Variants in GRIA4 observed in about 807,000 individuals in gnomAD.
GRIA4 encodes glutamate receptor 4.
Under a neutral mutation model 104.0 loss-of-function variants are expected in GRIA4, and 34 were observed. The observed-to-expected ratio is 0.33, with a 90% CI of 0.25 to 0.44. The LOEUF is 0.44. Ranked by LOEUF, GRIA4 falls within the 20% of genes least tolerant of loss-of-function variation. The probability of loss-of-function intolerance (pLI) is 1.00; values close to 1 mark genes in which losing one functional copy is unlikely to be tolerated. For missense variants in GRIA4, 750 were observed against 1,096.5 expected, an observed-to-expected ratio of 0.68 and a Z score of 4.46; for synonymous variants, 386 against 381.9, an observed-to-expected ratio of 1.01 and a Z score of -0.13.
chr11:105,795,486 A>G (rs1196811477), intron 4 of GRIA4, among the ~76,000 whole-genome samples: 1 of 152,120 alleles, frequency 6.6e-6, no homozygotes, highest in Non-Finnish European at 1.5e-5. Context: ...TAGAGTGTGA[A>G]TGTGTGATGT....
intron 14 of GRIA4, among the ~76,000 whole-genome samples, chr11:105,962,864 C>T (rs540481317): frequency 2.0e-5 from 3 of 152,164 alleles, no homozygotes; most frequent in South Asian, 2.1e-4. Flanking sequence ...CTACATTTAA[C>T]GCAATAAAGG....
chr11:105,784,803 G>T (rs1175717254), intron 4 of GRIA4, among the ~76,000 whole-genome samples: 2 of 152,080 alleles, frequency 1.3e-5, no homozygotes, highest in Non-Finnish European at 2.9e-5. Flanking sequence ...ACCTGTTAAA[G>T]CAAAACATAA....
At chr11:105,779,993 T>C (rs573868555) in intron 4 of GRIA4, among the ~76,000 whole-genome samples, 9 of 152,226 alleles carry the variant, frequency 5.9e-5, no homozygotes, top group African/African-American at 1.7e-4. Flanking sequence ...AGGGTAAAAG[T>C]ATTAAGATAG....
chr11:105,959,433 C>T (rs1948678508), intron 14 of GRIA4, among the ~76,000 whole-genome samples: 1 of 152,174 alleles, frequency 6.6e-6, no homozygotes, highest in African/African-American at 2.4e-5. Context: ...AGTTCTCATG[C>T]TGTGTTTTTC....
intron 14 of GRIA4, among the ~76,000 whole-genome samples, chr11:105,941,633 A>C (rs1948182315): frequency 6.6e-6 from 1 of 152,160 alleles, no homozygotes; most frequent in Admixed American, 6.6e-5. Flanking sequence ...TTAAAAATTC[A>C]ATCTGTTTTC....
intron 6 of GRIA4, among the ~76,000 whole-genome samples, chr11:105,889,843 A>G (rs1946397620): frequency 6.6e-6 from 1 of 152,208 alleles, no homozygotes; most frequent in South Asian, 2.1e-4. Flanking sequence ...TGAATATACA[A>G]CAGTTTATTG....
chr11:105,917,815 G>GGGGT (rs1555047932), intron 10 of GRIA4, among the ~76,000 whole-genome samples: 24 of 142,780 alleles, frequency 1.7e-4, no homozygotes, highest in Middle Eastern at 3.5e-3. Context: ...TTGGTTTAAG[G>GGGGT]GTGTGTGTGT....
chr11:105,928,935 A>C (rs910042394), intron 13 of GRIA4, among the ~76,000 whole-genome samples: 2 of 152,092 alleles, frequency 1.3e-5, no homozygotes, highest in African/African-American at 4.8e-5. Context: ...TCTTCCATAC[A>C]AACTGTGCAA....
intron 4 of GRIA4, among the ~76,000 whole-genome samples, chr11:105,769,608 TG>T (rs1422410084): frequency 1.3e-5 from 2 of 151,904 alleles, no homozygotes; most frequent in South Asian, 2.1e-4. Context: ...GTGCTCTAGA[TG>T]GGGGGCAGGG....
intron 4 of GRIA4, among the ~76,000 whole-genome samples, chr11:105,859,189 C>G (rs938045672): frequency 1.3e-5 from 2 of 152,106 alleles, no homozygotes; most frequent in African/African-American, 4.8e-5. Context: ...AAGACACTCA[C>G]ATCTGAATAT....
intron 6 of GRIA4, among the ~76,000 whole-genome samples, chr11:105,894,173 C>T (rs963915353): frequency 6.6e-6 from 1 of 151,892 alleles, no homozygotes; most frequent in Admixed American, 6.6e-5. Context: ...GTGGGCTTTT[C>T]GAGGGGAAAC....
chr11:105,814,815 A>T (rs897964750), intron 4 of GRIA4, among the ~76,000 whole-genome samples: 1 of 152,126 alleles, frequency 6.6e-6, no homozygotes, highest in African/African-American at 2.4e-5. Context: ...TCCTGTCACT[A>T]TAGGGAATCT....
intron 3 of GRIA4, among the ~76,000 whole-genome samples, chr11:105,683,538 A>C (rs2135471983): frequency 6.6e-6 from 1 of 152,272 alleles, no homozygotes; most frequent in Admixed American, 6.5e-5. Flanking sequence ...GTTTTAATTT[A>C]TGAAGCAATT....
chr11:105,828,975 G>T (rs1453422424), intron 4 of GRIA4, among the ~76,000 whole-genome samples: 1 of 151,978 alleles, frequency 6.6e-6, no homozygotes, highest in Admixed American at 6.6e-5. Flanking sequence ...CTTGAAAATA[G>T]AGAGGAGAGA....
chr11:105,955,622 T>C (rs1948568061), intron 14 of GRIA4, among the ~76,000 whole-genome samples: 1 of 152,220 alleles, frequency 6.6e-6, no homozygotes. Context: ...TTTATATTCC[T>C]TTGGGTATAT....
chr11:105,718,155 A>G (rs1248138594), intron 3 of GRIA4, among the ~76,000 whole-genome samples: 2 of 152,182 alleles, frequency 1.3e-5, no homozygotes, highest in Non-Finnish European at 2.9e-5. Flanking sequence ...TGGAAAAAGT[A>G]AACACTGAGT....
intron 3 of GRIA4, among the ~76,000 whole-genome samples, chr11:105,668,651 C>T (rs2135430418): frequency 6.8e-6 from 1 of 146,934 alleles, no homozygotes; most frequent in Non-Finnish European, 1.5e-5. Context: ...TTCTCTACAT[C>T]CTTGACAACA....
At chr11:105,686,157 A>G (rs1952875667) in intron 3 of GRIA4, among the ~76,000 whole-genome samples, 1 of 152,168 alleles carries the variant, frequency 6.6e-6, no homozygotes, top group Non-Finnish European at 1.5e-5. Flanking sequence ...TAGGGTATGA[A>G]TAAGCATGTT....
intron 4 of GRIA4, among the ~76,000 whole-genome samples, chr11:105,763,393 CTG>C (rs1463329155): frequency 1.3e-5 from 2 of 152,220 alleles, no homozygotes; most frequent in Admixed American, 6.5e-5. Flanking sequence ...TTCTGTACCA[CTG>C]TGTATTTATT....
Sources: gnomAD v4.1 joint callset for allele counts (sites outside exome capture counted in the v4.1 genomes callset) on GRCh38, gnomAD v4.1.1 for gene constraint, MANE v1.5 for transcripts, NCBI Gene and HGNC (gene_info 2026-07-23, HGNC 2026-07-21) for gene names.